Variants in ELOA observed in about 807,000 individuals in gnomAD.
ELOA encodes the protein elongin-A.
In ELOA, 15 loss-of-function variants were observed where a neutral mutation model predicts 85.2. The ratio of observed to expected loss-of-function variants is 0.18; its 90% CI spans 0.12 to 0.27. ELOA has a LOEUF of 0.27. ELOA is among the 10% of genes least tolerant of loss of function. ELOA has a pLI of 1.00. For synonymous variants in ELOA, 348 were observed against 357.2 expected, an observed-to-expected ratio of 0.97 and a Z score of 0.29; for missense variants, 769 against 952.7, an observed-to-expected ratio of 0.81 and a Z score of 2.54.
In ELOA at chr1:23,743,592, C is replaced by T. The variant is rs1381917023; in HGVS notation, c.75+14C>T. On this transcript the variant is annotated intron_variant, in intron 1 of 10. Transcript: ENST00000613537. ...GACCCTAAGAAGGTAAGCGAGGGGG[C>T]GGCGCGTAGCGGGATGGGCGTTGGG... is the stretch of plus-strand genomic sequence containing the variant. 2 of 1,475,254 alleles carry T rather than the reference C, an allele frequency of 1.4e-6. No individual in the cohort carries two copies. The highest frequency in any genetic ancestry group is 1.8e-6 in the Non-Finnish European group (2 of 1,116,534). The allele number at this position is 1,475,254 out of a possible 1,614,324, so 91.4% of individuals were successfully genotyped here. A position where few individuals can be genotyped will look rare whatever the true frequency, so the allele number is the denominator to read the frequency against.
chr1:23,746,499 C>T (rs1403157228), intron 1 of ELOA, among the ~76,000 whole-genome samples: 1 of 148,460 alleles, frequency 6.7e-6, no homozygotes, highest in Admixed American at 6.8e-5. Flanking sequence ...CCCAGCTACT[C>T]GGGAGGCTGA....
At position 23,752,633 on chromosome 1, in the gene ELOA, G is replaced by T. The variant is rs1377312701; in HGVS notation, c.1537+115G>T. The T allele has an allele frequency of 1.3e-5, 14 of 1,116,454 alleles. No individual in the cohort carries two copies. In the Admixed American group the frequency reaches 2.8e-4, roughly 23 times the overall value. 69.2% of individuals were successfully genotyped at this position (1,116,454 alleles called of 1,614,324 possible). A position where few individuals can be genotyped will look rare whatever the true frequency, so the allele number is the denominator to read the frequency against. ...GCACTTTGGGAGGCCGAGGTAAGAG[G>T]ATTGCTTGCGGCCAAGGGTTCTAAA... On this transcript the variant is annotated intron_variant, in intron 5 of 10. Coordinates refer to ENST00000613537, the MANE Select transcript of ELOA (RefSeq NM_003198.3).
chr1:23,756,810 A>ACC, intron 9 of ELOA, 143 bp from the exon 10 acceptor site: 1 of 730,312 alleles, frequency 1.4e-6, no homozygotes, highest in Non-Finnish European at 2.1e-6. Context: ...TCTCTGAGCC[A>ACC]CCACCAGAAT....
rs1644768372 is a variant in ELOA at position 23,751,136 on chromosome 1, T to G, written c.531T>G (p.Val177=). The change falls in exon 4 of 11, where the codon GTT becomes GTG. Residue 177 remains valine (V), a synonymous_variant. Transcript: ENST00000613537. Reference sequence around the variant, plus strand: ...CTGAGTCTTCTGATTATGGCCATGTTCAATCCCCTCCATCTTGTACCAGTC... The same window carrying G: ...CTGAGTCTTCTGATTATGGCCATGTGCAATCCCCTCCATCTTGTACCAGTC... ...SDPESSDYGH[V]QSPPSCTSPH... 1 of 1,614,012 alleles carries G rather than the reference T, an allele frequency of 6.2e-7. No individual in the cohort carries two copies. The highest frequency in any genetic ancestry group is 1.3e-5 in the African/African-American group (1 of 74,934).
chr1:23,758,262 T>TATTTA (rs1390296510), intron 10 of ELOA, among the ~76,000 whole-genome samples: 1 of 59,126 alleles, frequency 1.7e-5, no homozygotes, highest in Non-Finnish European at 3.0e-5. Context: ...TTTATTTATT[T>TATTTA]TTTTTTTTTT....
At chr1:23,754,528 C>A in intron 7 of ELOA, 68 bp downstream of exon 7, 1 of 1,262,092 alleles carries the variant, frequency 7.9e-7, no homozygotes, top group Non-Finnish European at 1.2e-6. Flanking sequence ...AGCTTTGTCC[C>A]TGTGACTCCG....
chr1:23,751,504 A>G lies in ELOA; in HGVS notation c.899A>G (p.Lys300Arg), dbSNP rs138349044. The change falls in exon 4 of 11, where the codon AAA becomes AGA. Residue 300 changes from lysine to arginine, a missense_variant. This residue lies in a region of ELOA where 440 missense variants were observed against 474.0 expected (regional missense o/e 0.93). Coordinates refer to ENST00000613537, the MANE Select transcript of ELOA (RefSeq NM_003198.3). ...AAACCGCCCTCTAGTGGCGTAAAGA[A>G]AGAGAAGGACAGAGAGGGCAGCAGC... ...REKPPSSGVKKEKDREGSSLK... is the reference protein window; with the variant it reads ...REKPPSSGVKREKDREGSSLK... 434 of 1,614,102 alleles carry G rather than the reference A, an allele frequency of 2.7e-4. 1 individual carries two copies. In the African/African-American group the frequency reaches 5.4e-3, roughly 20 times the overall value.
chr1:23,744,182 T>C (rs1258054459), intron 1 of ELOA: 1 of 152,156 alleles, frequency 6.6e-6, no homozygotes, highest in African/African-American at 2.4e-5. Context: ...CTAAGCATAC[T>C]CCTGAAAACT....
rs769700359 is a variant in ELOA at position 23,751,531 on chromosome 1, TGAA to T, written c.934_936del (p.Lys312del). On this transcript the variant is annotated inframe_deletion, in exon 4 of 11. Coordinates refer to ENST00000613537, the MANE Select transcript of ELOA (RefSeq NM_003198.3). ...GAGAAGGACAGAGAGGGCAGCAGCC[TGAA>T]GAAGAAGTGTTTGCCTCCCTCAGAG... 369 of 1,614,094 alleles carry T rather than the reference TGAA, an allele frequency of 2.3e-4. No individual in the cohort carries two copies. Among genetic ancestry groups the T allele is most frequent in the African/African-American group, 4.7e-4 (35 of 75,024 alleles).
At chr1:23,752,598 T>C in intron 5 of ELOA, 80 bp downstream of exon 5, 2 of 1,405,212 alleles carry the variant, frequency 1.4e-6, no homozygotes, top group Non-Finnish European at 2.0e-6. Flanking sequence ...GGCTCACACC[T>C]ATAATTCCAG....
At chr1:23,756,198 A>G (rs1644794115) in intron 8 of ELOA, 76 bp from the exon 9 acceptor site, 6 of 1,464,100 alleles carry the variant, frequency 4.1e-6, no homozygotes, top group South Asian at 2.7e-5. Flanking sequence ...AGGGCACTCA[A>G]AAAGCCCGTG....
chr1:23,758,267 T>TTTTTTTTTA (rs1638236957), intron 10 of ELOA, among the ~76,000 whole-genome samples: 1 of 76,608 alleles, frequency 1.3e-5, no homozygotes, highest in Admixed American at 1.4e-4. Flanking sequence ...TTATTTTTTT[T>TTTTTTTTTA]TTTTTTTTTT....
intron 5 of ELOA, among the ~76,000 whole-genome samples, chr1:23,753,517 A>G (rs1003626387): frequency 6.6e-6 from 1 of 152,200 alleles, no homozygotes; most frequent in African/African-American, 2.4e-5. Context: ...CAAAAGAAGT[A>G]GAAGCCACAT....
At chr1:23,747,785 A>G (rs375623930) in intron 1 of ELOA, among the ~76,000 whole-genome samples, 10 of 152,302 alleles carry the variant, frequency 6.6e-5, no homozygotes, top group South Asian at 6.2e-4. Context: ...TTGTGATCCA[A>G]TTGCTCTGTC....
At chr1:23,758,255 ATTTATTTTTTTT>A (rs1638235724) in intron 10 of ELOA, among the ~76,000 whole-genome samples, 1 of 36,220 alleles carries the variant, frequency 2.8e-5, no homozygotes, top group Non-Finnish European at 4.5e-5. Flanking sequence ...CAATTTATTT[ATTTATTTTTTTT>A]TTTTTTTTTT....
At chr1:23,750,137 A>G (rs1369041498) in intron 3 of ELOA, among the ~76,000 whole-genome samples, 189 bp downstream of exon 3, 1 of 151,696 alleles carries the variant, frequency 6.6e-6, no homozygotes, top group Non-Finnish European at 1.5e-5. Flanking sequence ...TCTATCACGC[A>G]AAGACAAACG....
intron 5 of ELOA, 114 bp downstream of exon 5, chr1:23,752,632 G>C (rs1361640923): frequency 6.2e-6 from 7 of 1,136,276 alleles, no homozygotes; most frequent in Non-Finnish European, 8.7e-6. Flanking sequence ...CGAGGTAAGA[G>C]GATTGCTTGC....
intron 1 of ELOA, 97 bp downstream of exon 1, chr1:23,743,675 CCCTGAGCCAGGCCCCGCGGGGCTGGGGT>C (rs1364851302): frequency 2.3e-6 from 3 of 1,321,202 alleles, no homozygotes; most frequent in South Asian, 1.7e-5. Flanking sequence ...GGGGCTGGGA[CCCTGAGCCAGGCCCCGCGGGGCTGGGGT>C]CGTGAAGTTC....
chr1:23,759,414 C>G lies in ELOA; in HGVS notation c.2258-98C>G, dbSNP rs935596991. 17 of 1,200,844 alleles carry G rather than the reference C, an allele frequency of 1.4e-5. No homozygotes were observed. The African/African-American group carries it at 2.4e-4, about 17-fold the overall frequency. 74.4% of individuals were successfully genotyped at this position (1,200,844 alleles called of 1,614,324 possible). On this transcript the variant is annotated intron_variant, in intron 10 of 10. Coordinates refer to ENST00000613537, the MANE Select transcript of ELOA (RefSeq NM_003198.3). ...ACTTGTATCTCTGCCTGGTGGTGCA[C>G]AGCCAAGAATAGCAGAGCTGGCTTT... is the stretch of plus-strand genomic sequence containing the variant.
Sources: allele counts gnomAD v4.1 joint callset (sites outside exome capture counted in the v4.1 genomes callset), GRCh38; gene constraint gnomAD v4.1.1; regional missense constraint gnomAD v4.1.1; transcripts MANE v1.5; gene names NCBI Gene and HGNC (gene_info 2026-07-23, HGNC 2026-07-21).